Variants in ANGPTL5 observed in about 807,000 individuals in gnomAD.
The protein encoded by ANGPTL5 is angiopoietin like 5.
In ANGPTL5, 34 loss-of-function variants were observed where a neutral mutation model predicts 39.4. The ratio of observed to expected loss-of-function variants is 0.86; its 90% confidence interval spans 0.66 to 1.15. The LOEUF (loss-of-function observed/expected upper bound fraction) is 1.15. Among genes scored for constraint, ANGPTL5 ranks in the 50% most tolerant of loss-of-function variants. The pLI, the probability that ANGPTL5 is intolerant of heterozygous loss-of-function variation, is 0.00. For synonymous variants in ANGPTL5, 146 were observed against 152.1 expected, an observed-to-expected ratio of 0.96 and a Z score of 0.29; for missense variants, 467 against 457.5, an observed-to-expected ratio of 1.02 and a Z score of -0.19.
chr11:101,894,779 G>A lies in ANGPTL5; in HGVS notation c.847+100C>T, dbSNP rs1033008707. The A allele has an allele frequency of 9.8e-6, 11 of 1,120,128 alleles. No individual in the cohort carries two copies. The African/African-American group carries it at 1.4e-4, about 14-fold the overall frequency. The allele number at this position is 1,120,128 out of a possible 1,614,324, so 69.4% of individuals were successfully genotyped here. On this transcript the variant is annotated intron_variant, in intron 8 of 8. Transcript: ENST00000334289. ...CCTAATCTATCCTGTTATCAGTTAT[G>A]TGTTATATACAAAGACAAATGCATT...
At chr11:101,899,179 C>T (rs1477714375) in intron 7 of ANGPTL5, among the ~76,000 whole-genome samples, 1 of 152,170 alleles carries the variant, frequency 6.6e-6, no homozygotes, top group African/African-American at 2.4e-5. Flanking sequence ...ACGGAGGAGT[C>T]CCTCTTTTTC....
At chr11:101,901,215 A>G (rs371047900) in intron 6 of ANGPTL5, among the ~76,000 whole-genome samples, 24 of 151,854 alleles carry the variant, frequency 1.6e-4, no homozygotes, top group Admixed American at 3.9e-4. Flanking sequence ...TTATTACTCA[A>G]CTTTATAAAT....
intron 1 of ANGPTL5, among the ~76,000 whole-genome samples, chr11:101,910,971 T>G (rs1031919363): frequency 1.3e-5 from 2 of 152,112 alleles, no homozygotes; most frequent in African/African-American, 2.4e-5. Flanking sequence ...GAAAGTTGGA[T>G]TTTACATTAA....
intron 7 of ANGPTL5, 45 bp downstream of exon 7, chr11:101,900,385 T>A: frequency 6.3e-7 from 1 of 1,582,490 alleles, no homozygotes. Context: ...AGATATAATA[T>A]CAAAAAGAGT....
chr11:101,911,753 C>A (rs1163208776), intron 1 of ANGPTL5, among the ~76,000 whole-genome samples: 4 of 152,160 alleles, frequency 2.6e-5, no homozygotes, highest in Non-Finnish European at 4.4e-5. Flanking sequence ...TTATAAATTA[C>A]CGACTCTCAG....
rs1485186164 is a variant in ANGPTL5, at chr11:101,891,096, A to C, written c.*183T>G. Reference sequence around the variant, plus strand: ...ATAGTCAGAAGTAAAAACATACAATAAGCCATGTTTTCTTTTATAGAATAC... The same window carrying C: ...ATAGTCAGAAGTAAAAACATACAATCAGCCATGTTTTCTTTTATAGAATAC... On this transcript the variant is annotated 3_prime_UTR_variant, in exon 9 of 9. Transcript: ENST00000334289. 3.8e-6 allele frequency: 2 copies of C among 530,976 alleles called. No homozygotes were observed. The highest frequency in any genetic ancestry group is 6.5e-6 in the Non-Finnish European group (2 of 307,960). The allele number at this position is 530,976 out of a possible 1,614,324, so 32.9% of individuals were successfully genotyped here. A position where few individuals can be genotyped will look rare whatever the true frequency, so the allele number is the denominator to read the frequency against.
chr11:101,910,088 C>A (rs1265469339), intron 1 of ANGPTL5, among the ~76,000 whole-genome samples: 1 of 152,146 alleles, frequency 6.6e-6, no homozygotes, highest in African/African-American at 2.4e-5. Context: ...CAAATAAATT[C>A]TGTTTATTTT....
intron 3 of ANGPTL5, 114 bp from the exon 4 acceptor site, chr11:101,905,961 T>A: frequency 1.5e-6 from 1 of 664,520 alleles, no homozygotes; most frequent in Non-Finnish European, 2.7e-6. Context: ...CAATACTATC[T>A]CAATTTATCT....
At chr11:101,915,455 A>G in intron 1 of ANGPTL5, 1 of 1,576,356 alleles carries the variant, frequency 6.3e-7, no homozygotes, top group Non-Finnish European at 8.6e-7. Context: ...CGATGTTGAA[A>G]ACGGGGCCCA....
In ANGPTL5 at chr11:101,905,662, A is replaced by G. The variant is rs1014889589; in HGVS notation, c.345+82T>C. 9.2e-6 allele frequency: 9 copies of G among 976,514 alleles called. No individual in the cohort carries two copies. The African/African-American group carries it at 1.5e-4, about 16-fold the overall frequency. The allele number at this position is 976,514 out of a possible 1,614,324, so 60.5% of individuals were successfully genotyped here. A position where few individuals can be genotyped will look rare whatever the true frequency, so the allele number is the denominator to read the frequency against. On this transcript the variant is annotated intron_variant, in intron 4 of 8. Coordinates refer to ENST00000334289, the MANE Select transcript of ANGPTL5 (RefSeq NM_178127.5). ...TAAATAGATGTCTGAACATGAATGCATTTTAAAAAAAGATTATACCTCCAG... is the reference window on the plus strand; with the variant it reads ...TAAATAGATGTCTGAACATGAATGCGTTTTAAAAAAAGATTATACCTCCAG...
At chr11:101,910,855 C>A (rs1940080081) in intron 1 of ANGPTL5, among the ~76,000 whole-genome samples, 2 of 152,112 alleles carry the variant, frequency 1.3e-5, no homozygotes, top group South Asian at 4.1e-4. Flanking sequence ...CTGGTCTTAT[C>A]TCCTACAACC....
rs138863588 is a variant in ANGPTL5, at chr11:101,900,721, T to G, written c.541-171A>C. 4.4e-3 allele frequency among the ~76,000 whole-genome samples: 663 copies of G among 152,344 alleles called. 7 individuals are homozygous for G. The highest frequency in any genetic ancestry group is 0.015 in the African/African-American group (639 of 41,584). ...CAGATGTTTTTTATATTTCTAGAAA[T>G]AATACTGTTTATTATAAAGCAAACC... On this transcript the variant is annotated intron_variant, in intron 6 of 8. Transcript: ENST00000334289.
At chr11:101,896,458 T>C (rs976346462) in intron 7 of ANGPTL5, among the ~76,000 whole-genome samples, 4 of 152,128 alleles carry the variant, frequency 2.6e-5, no homozygotes, top group South Asian at 2.1e-4. Context: ...GCTGCACCCA[T>C]GAACTCGTTA....
At chr11:101,900,367 G>A in intron 7 of ANGPTL5, 63 bp downstream of exon 7, 1 of 1,520,948 alleles carries the variant, frequency 6.6e-7, no homozygotes, top group Non-Finnish European at 9.1e-7. Flanking sequence ...GACCAATAGA[G>A]GCTCTATAGA....
intron 7 of ANGPTL5, among the ~76,000 whole-genome samples, chr11:101,896,546 C>G (rs75132903): frequency 1.4e-4 from 21 of 152,188 alleles, no homozygotes; most frequent in African/African-American, 5.1e-4. Context: ...GTGATGTTCC[C>G]CTCCTTGTGT....
At chr11:101,897,251 A>G (rs566927512) in intron 7 of ANGPTL5, among the ~76,000 whole-genome samples, 18 of 152,296 alleles carry the variant, frequency 1.2e-4, no homozygotes, top group Admixed American at 2.6e-4. Flanking sequence ...GATTCTGGAT[A>G]TTAGCCCTTT....
At chr11:101,914,575 G>A (rs1402350417) in intron 1 of ANGPTL5, among the ~76,000 whole-genome samples, 1 of 152,200 alleles carries the variant, frequency 6.6e-6, no homozygotes, top group Non-Finnish European at 1.5e-5. Flanking sequence ...AGAATGCAGG[G>A]AAGGAAAATT....
intron 7 of ANGPTL5, among the ~76,000 whole-genome samples, chr11:101,898,221 C>T (rs1417875227): frequency 1.3e-5 from 2 of 151,440 alleles, no homozygotes; most frequent in Non-Finnish European, 2.9e-5. Flanking sequence ...GAAACTTCGT[C>T]TCAAAAAAAA....
chr11:101,910,838 A>G (rs1310333241), intron 1 of ANGPTL5, among the ~76,000 whole-genome samples: 2 of 151,996 alleles, frequency 1.3e-5, no homozygotes, highest in Non-Finnish European at 2.9e-5. Flanking sequence ...AACTGTCCTT[A>G]TTGTTTCTGG....
Sources: allele counts gnomAD v4.1 joint callset (sites outside exome capture counted in the v4.1 genomes callset), GRCh38; gene constraint gnomAD v4.1.1; transcripts MANE v1.5; gene names NCBI Gene and HGNC (gene_info 2026-07-23, HGNC 2026-07-21).